Variants in DIP2B observed in about 807,000 individuals in gnomAD.
DIP2B encodes disco-interacting protein 2 homolog B.
A neutral mutation model predicts 198.0 loss-of-function variants in DIP2B; 76 were observed. The observed-to-expected ratio is 0.38, with a 90% CI of 0.32 to 0.46. DIP2B has a LOEUF of 0.46. Ranked by LOEUF, DIP2B falls within the 20% of genes least tolerant of loss-of-function variation. DIP2B has a pLI of 0.99. For synonymous variants in DIP2B, 701 were observed against 739.1 expected (o/e 0.95, Z 0.84); for missense variants, 1,559 against 1,978.4 (o/e 0.79, Z 4.02).
intron 1 of DIP2B, among the ~76,000 whole-genome samples, chr12:50,547,277 CTG>C (rs1439298590): frequency 1.3e-5 from 2 of 152,146 alleles, no homozygotes; most frequent in African/African-American, 4.8e-5. Context: ...TGAATGATGA[CTG>C]TACAACACTA....
chr12:50,664,772 A>T (rs1429687126), intron 4 of DIP2B, among the ~76,000 whole-genome samples: 1 of 148,328 alleles, frequency 6.7e-6, no homozygotes, highest in Admixed American at 6.7e-5. Context: ...ACTCTGCTTG[A>T]GAGTAGCTAG....
chr12:50,659,475 G>A (rs1008459035), intron 3 of DIP2B, among the ~76,000 whole-genome samples: 3 of 141,114 alleles, frequency 2.1e-5, no homozygotes, highest in African/African-American at 7.8e-5. Flanking sequence ...TTTTGTAAGA[G>A]TTTTTTTTTT....
intron 1 of DIP2B, among the ~76,000 whole-genome samples, chr12:50,564,222 T>C (rs1390012870): frequency 6.6e-6 from 1 of 152,156 alleles, no homozygotes; most frequent in African/African-American, 2.4e-5. Flanking sequence ...TAGTTCTTTG[T>C]TTCTAATCTA....
At chr12:50,619,927 A>G (rs1253060494) in intron 1 of DIP2B, among the ~76,000 whole-genome samples, 1 of 152,130 alleles carries the variant, frequency 6.6e-6, no homozygotes, top group East Asian at 1.9e-4. Context: ...TGGGTGTGAT[A>G]GCACACCCAT....
At chr12:50,658,818 G>A (rs1380584744) in intron 3 of DIP2B, among the ~76,000 whole-genome samples, 7 of 152,172 alleles carry the variant, frequency 4.6e-5, no homozygotes, top group Admixed American at 4.6e-4. Flanking sequence ...GCCGGGCGTG[G>A]TGGCTCACGC....
At chr12:50,635,023 G>A (rs1411521755) in intron 2 of DIP2B, among the ~76,000 whole-genome samples, 2 of 152,168 alleles carry the variant, frequency 1.3e-5, no homozygotes, top group East Asian at 1.9e-4. Context: ...TCAAGAGGCT[G>A]TGCAGAGTAT....
At position 50,747,897 on chromosome 12, in the gene DIP2B, C is replaced by G. The variant is rs570070623; in HGVS notation, c.*3058C>G. On this transcript the variant is annotated 3_prime_UTR_variant, in exon 38 of 38. Transcript: ENST00000301180. ...AATTCAGTGAGACCCTGGGAAGGAC[C>G]AGCATGCTAATCAGTGTCAGTGAAT... is the stretch of plus-strand genomic sequence containing the variant. 1 of 152,712 alleles carries G rather than the reference C, an allele frequency of 6.5e-6. No homozygotes were observed. Among genetic ancestry groups the G allele is most frequent in the South Asian group, 2.1e-4 (1 of 4,828 alleles). 9.5% of individuals were successfully genotyped at this position (152,712 alleles called of 1,614,324 possible).
At position 50,746,499 on chromosome 12, in the gene DIP2B, A is replaced by G. The variant is rs1940342641; in HGVS notation, c.*1660A>G. On this transcript the variant is annotated 3_prime_UTR_variant, in exon 38 of 38. Transcript: ENST00000301180. Reference sequence around the variant, plus strand: ...GGCAGTGCTCTAGGGCTGCCATTACACGGTCTTGTGATGTGACTAAAAGCC... The same window carrying G: ...GGCAGTGCTCTAGGGCTGCCATTACGCGGTCTTGTGATGTGACTAAAAGCC... 6.6e-6 allele frequency: 1 copy of G among 152,196 alleles called. No individual in the cohort carries two copies. 9.4% of individuals were successfully genotyped at this position (152,196 alleles called of 1,614,324 possible).
chr12:50,549,421 A>T (rs1593600249), intron 1 of DIP2B, among the ~76,000 whole-genome samples: 2 of 151,842 alleles, frequency 1.3e-5, no homozygotes, highest in Non-Finnish European at 2.9e-5. Flanking sequence ...TCCCAGCTAC[A>T]CGGGAGGCTG....
intron 3 of DIP2B, among the ~76,000 whole-genome samples, chr12:50,653,954 A>G (rs1483758264): frequency 6.6e-6 from 1 of 150,520 alleles, no homozygotes; most frequent in African/African-American, 2.4e-5. Flanking sequence ...GCTCACTGCA[A>G]CCTCCACCTC....
At chr12:50,505,297 G>C (rs980094464) in intron 1 of DIP2B, 57 bp downstream of exon 1, 1 of 1,364,728 alleles carries the variant, frequency 7.3e-7, no homozygotes, top group African/African-American at 1.5e-5. Context: ...GGCGACTTGG[G>C]AGACAGGTCC....
At chr12:50,715,620 G>A (rs1049300734) in intron 23 of DIP2B, among the ~76,000 whole-genome samples, 24 of 152,174 alleles carry the variant, frequency 1.6e-4, no homozygotes, top group Admixed American at 1.6e-3. Context: ...ATCGGCCACA[G>A]CCATCATTAG....
At chr12:50,553,376 G>A (rs1958443452) in intron 1 of DIP2B, among the ~76,000 whole-genome samples, 1 of 152,164 alleles carries the variant, frequency 6.6e-6, no homozygotes, top group South Asian at 2.1e-4. Context: ...GCTGACTGTT[G>A]TATCCCAGTA....
At chr12:50,549,299 T>A (rs911465131) in intron 1 of DIP2B, among the ~76,000 whole-genome samples, 1 of 151,912 alleles carries the variant, frequency 6.6e-6, no homozygotes, top group African/African-American at 2.4e-5. Flanking sequence ...AAACCCCGTC[T>A]CTACTAAAAA....
intron 1 of DIP2B, among the ~76,000 whole-genome samples, chr12:50,524,352 G>C (rs1958144661): frequency 6.6e-6 from 1 of 152,078 alleles, no homozygotes; most frequent in African/African-American, 2.4e-5. Flanking sequence ...CCGCTTTATA[G>C]CTCTTCCATG....
chr12:50,647,967 G>C (rs984522096), intron 3 of DIP2B, among the ~76,000 whole-genome samples: 1 of 152,146 alleles, frequency 6.6e-6, no homozygotes, highest in African/African-American at 2.4e-5. Flanking sequence ...TTAGCCAGGC[G>C]TGGTGGCGTG....
Position 50,659,677 on chromosome 12 carries a change from T to C in DIP2B, c.302-517T>C, listed in dbSNP as rs148791828. Among the ~76,000 whole-genome samples the C allele has an allele frequency of 3.2e-3, 490 of 152,320 alleles. 2 individuals are homozygous for C. The highest frequency in any genetic ancestry group is 0.011 in the African/African-American group (470 of 41,570). On this transcript the variant is annotated intron_variant, in intron 3 of 37. Transcript: ENST00000301180. ...GGCAAACAATTAACATCTGCCCTTA[T>C]GTTTTTCTAGATCAAAATAAATCCT... is the stretch of plus-strand genomic sequence containing the variant.
chr12:50,590,451 C>T (rs1958809429), intron 1 of DIP2B, among the ~76,000 whole-genome samples: 2 of 152,056 alleles, frequency 1.3e-5, no homozygotes, highest in African/African-American at 4.8e-5. Context: ...CTCACTGCAA[C>T]CTCCGCCTCC....
intron 9 of DIP2B, 76 bp downstream of exon 9, chr12:50,680,839 GT>G: frequency 7.5e-7 from 1 of 1,330,372 alleles, no homozygotes; most frequent in Non-Finnish European, 1.1e-6. Flanking sequence ...ATATTCTGGA[GT>G]TTTCATATAC....
Sources: gnomAD v4.1 joint callset for allele counts (sites outside exome capture counted in the v4.1 genomes callset) on GRCh38, gnomAD v4.1.1 for gene constraint, MANE v1.5 for transcripts, NCBI Gene and HGNC (gene_info 2026-07-23, HGNC 2026-07-21) for gene names.